Variants in ERBB4 observed in about 807,000 individuals in gnomAD.
ERBB4 encodes erb-b2 receptor tyrosine kinase 4, also known as receptor tyrosine-protein kinase erbB-4.
ERBB4 carries 42 observed loss-of-function variants against 158.0 expected under a neutral mutation model. The observed-to-expected ratio is 0.27, with a 90% CI of 0.21 to 0.34. The LOEUF is 0.34. Among genes scored for constraint, ERBB4 ranks in the 10% least tolerant of loss-of-function variants. ERBB4 has a pLI of 1.00. For synonymous variants in ERBB4, 583 were observed against 558.7 expected (o/e 1.04, Z -0.61); for missense variants, 1,333 against 1,624.1 (o/e 0.82, Z 3.08).
intron 19 of ERBB4, among the ~76,000 whole-genome samples, chr2:211,580,045 C>A (rs992087992): frequency 6.6e-6 from 1 of 152,084 alleles, no homozygotes; most frequent in Non-Finnish European, 1.5e-5. Context: ...AACGTGAATA[C>A]CCACAACGGA....
At chr2:212,140,842 C>T (rs1421118590) in intron 1 of ERBB4, among the ~76,000 whole-genome samples, 1 of 135,076 alleles carries the variant, frequency 7.4e-6, no homozygotes, top group African/African-American at 2.8e-5. Context: ...GACTAGGAAA[C>T]ATGAGTGTGT....
intron 20 of ERBB4, among the ~76,000 whole-genome samples, chr2:211,554,597 C>A (rs1041880072): frequency 1.3e-5 from 2 of 152,188 alleles, no homozygotes; most frequent in African/African-American, 4.8e-5. Flanking sequence ...GTACTGTCTG[C>A]CTGTTGTCAC....
At position 211,772,981 on chromosome 2, in the gene ERBB4, A is replaced by G. The variant is rs547908383; in HGVS notation, c.556+15044T>C. ...TTTTTTTTTTTAAAGATGGGGTCCT[A>G]CTCTGTTGCCCAGGTTGCTCTCAAA... On this transcript the variant is annotated intron_variant, in intron 4 of 27. Coordinates refer to ENST00000342788, the MANE Select transcript of ERBB4 (RefSeq NM_005235.3). Among the ~76,000 whole-genome samples, 52 of 129,086 alleles carry G rather than the reference A, an allele frequency of 4.0e-4. 1 individual carries two copies. The highest frequency in any genetic ancestry group is 1.7e-4 in the Admixed American group (2 of 11,970). 84.7% of individuals were successfully genotyped at this position (129,086 alleles called of 152,430 possible).
chr2:211,920,142 T>C (rs2079818250), intron 3 of ERBB4, among the ~76,000 whole-genome samples: 1 of 151,908 alleles, frequency 6.6e-6, no homozygotes, highest in Admixed American at 6.6e-5. Flanking sequence ...TCATGAAAAA[T>C]GTCATTTGAT....
chr2:211,778,065 A>T (rs1253437033), intron 4 of ERBB4, among the ~76,000 whole-genome samples: 1 of 152,138 alleles, frequency 6.6e-6, no homozygotes, highest in Non-Finnish European at 1.5e-5. Context: ...CCCCCTAATC[A>T]ACTGGCTTCA....
intron 2 of ERBB4, among the ~76,000 whole-genome samples, chr2:212,011,336 TTTAAA>T (rs1292064740): frequency 1.3e-5 from 2 of 152,168 alleles, no homozygotes; most frequent in African/African-American, 2.4e-5. Flanking sequence ...AAAATTTTAT[TTTAAA>T]TTTAGTCCCA....
intron 1 of ERBB4, among the ~76,000 whole-genome samples, chr2:212,310,633 G>A (rs1020264744): frequency 1.0e-4 from 15 of 147,096 alleles, no homozygotes; most frequent in Non-Finnish European, 1.5e-4. Flanking sequence ...GTGTGTGTGT[G>A]TGTGTGTGTG....
intron 1 of ERBB4, among the ~76,000 whole-genome samples, chr2:212,496,484 A>G (rs1230988910): frequency 6.6e-6 from 1 of 152,196 alleles, no homozygotes; most frequent in African/African-American, 2.4e-5. Context: ...ACTTACGGGC[A>G]TTATATATTG....
At chr2:212,318,105 T>C (rs559649097) in intron 1 of ERBB4, among the ~76,000 whole-genome samples, 2 of 151,730 alleles carry the variant, frequency 1.3e-5, no homozygotes, top group East Asian at 3.9e-4. Flanking sequence ...TTATTATCCC[T>C]AGTTTACAAA....
At chr2:212,145,582 T>C (rs963048579) in intron 1 of ERBB4, among the ~76,000 whole-genome samples, 1 of 152,080 alleles carries the variant, frequency 6.6e-6, no homozygotes, top group African/African-American at 2.4e-5. Context: ...AACAAGAAAT[T>C]GCTATAGGCC....
intron 25 of ERBB4, among the ~76,000 whole-genome samples, chr2:211,412,398 T>G (rs1053328373): frequency 3.9e-5 from 6 of 152,208 alleles, no homozygotes; most frequent in African/African-American, 1.4e-4. Context: ...CCAAAATGAT[T>G]TCTATTCCAA....
At chr2:211,476,011 T>C (rs1281666162) in intron 20 of ERBB4, among the ~76,000 whole-genome samples, 1 of 151,970 alleles carries the variant, frequency 6.6e-6, no homozygotes, top group Non-Finnish European at 1.5e-5. Context: ...TGGCAAAATA[T>C]TACGATCACC....
At chr2:212,315,396 C>A (rs1201161853) in intron 1 of ERBB4, among the ~76,000 whole-genome samples, 1 of 151,354 alleles carries the variant, frequency 6.6e-6, no homozygotes, top group Non-Finnish European at 1.5e-5. Context: ...CATAGACACA[C>A]ATACACAAGT....
chr2:212,438,546 G>T (rs967656292), intron 1 of ERBB4, among the ~76,000 whole-genome samples: 1 of 152,004 alleles, frequency 6.6e-6, no homozygotes, highest in Non-Finnish European at 1.5e-5. Flanking sequence ...GTTTGTGAAT[G>T]AGTAAATAAT....
intron 20 of ERBB4, among the ~76,000 whole-genome samples, chr2:211,470,721 G>T (rs2064809494): frequency 6.6e-6 from 1 of 152,110 alleles, no homozygotes; most frequent in Non-Finnish European, 1.5e-5. Context: ...TTACAATGCA[G>T]ATTCTAACTT....
chr2:211,486,192 G>T (rs781331230), intron 20 of ERBB4, among the ~76,000 whole-genome samples: 17 of 152,034 alleles, frequency 1.1e-4, no homozygotes, highest in Non-Finnish European at 1.9e-4. Flanking sequence ...TGGATTCAAA[G>T]GTAAAGAGTA....
chr2:211,709,758 T>A (rs1559443895), intron 9 of ERBB4, among the ~76,000 whole-genome samples: 1 of 152,176 alleles, frequency 6.6e-6, no homozygotes, highest in Non-Finnish European at 1.5e-5. Flanking sequence ...TGGCCAGGTA[T>A]AATTCCCTAG....
intron 1 of ERBB4, among the ~76,000 whole-genome samples, chr2:212,271,001 T>G (rs916720607): frequency 6.6e-6 from 1 of 151,820 alleles, no homozygotes; most frequent in Admixed American, 6.6e-5. Context: ...TTATAAATTG[T>G]TTTTAGCCAA....
At chr2:212,207,311 G>C (rs1347724070) in intron 1 of ERBB4, among the ~76,000 whole-genome samples, 1 of 152,098 alleles carries the variant, frequency 6.6e-6, no homozygotes, top group African/African-American at 2.4e-5. Flanking sequence ...TATAAGCAAT[G>C]ATAGTTGATC....
Sources: gnomAD v4.1 joint callset for allele counts (sites outside exome capture counted in the v4.1 genomes callset) on GRCh38, gnomAD v4.1.1 for gene constraint, MANE v1.5 for transcripts, NCBI Gene and HGNC (gene_info 2026-07-23, HGNC 2026-07-21) for gene names.